FRMD4A: variants seen among roughly 807,000 people sequenced by gnomAD.
FRMD4A encodes the protein FERM domain-containing protein 4A.
FRMD4A carries 29 observed loss-of-function variants against 129.1 expected under a neutral mutation model. That is an observed-to-expected ratio of 0.22 (90% CI 0.17 to 0.31). The LOEUF (loss-of-function observed/expected upper bound fraction) is 0.31. FRMD4A is among the 10% of genes least tolerant of loss of function. The pLI is 1.00. For synonymous variants in FRMD4A, 634 were observed against 571.6 expected (o/e 1.11, Z -1.56); for missense variants, 1,272 against 1,375.8 (o/e 0.92, Z 1.19).
chr10:13,955,131 G>A (rs182474864), intron 2 of FRMD4A, among the ~76,000 whole-genome samples: 24 of 9,324 alleles, frequency 2.6e-3, no homozygotes, highest in East Asian at 0.17. Flanking sequence ...TTTTTGAGAC[G>A]GAGTATCACT....
intron 2 of FRMD4A, among the ~76,000 whole-genome samples, chr10:14,022,901 T>C (rs1832824392): frequency 6.6e-6 from 1 of 152,152 alleles, no homozygotes; most frequent in Non-Finnish European, 1.5e-5. Flanking sequence ...TTAATGACTT[T>C]GTGGTATTGA....
intron 2 of FRMD4A, among the ~76,000 whole-genome samples, chr10:13,935,990 G>A (rs1388080494): frequency 6.6e-6 from 1 of 152,190 alleles, no homozygotes; most frequent in African/African-American, 2.4e-5. Flanking sequence ...ATAACTAAAG[G>A]GAAATGTGTT....
At chr10:14,257,679 C>T (rs1004738094) in intron 2 of FRMD4A, among the ~76,000 whole-genome samples, 1 of 152,146 alleles carries the variant, frequency 6.6e-6, no homozygotes, top group African/African-American at 2.4e-5. Flanking sequence ...GAAACATACA[C>T]AGAGGAAAGG....
At chr10:14,047,372 G>A (rs902137559) in intron 2 of FRMD4A, among the ~76,000 whole-genome samples, 2 of 152,112 alleles carry the variant, frequency 1.3e-5, no homozygotes, top group African/African-American at 2.4e-5. Flanking sequence ...TATGGTCTGG[G>A]TATGAAAGGA....
intron 2 of FRMD4A, among the ~76,000 whole-genome samples, chr10:14,043,831 CT>C (rs201591590): frequency 2.0e-5 from 3 of 151,018 alleles, no homozygotes; most frequent in Admixed American, 6.6e-5. Flanking sequence ...TCTGGGTCAT[CT>C]TTTTTTTTTC....
intron 2 of FRMD4A, among the ~76,000 whole-genome samples, chr10:14,030,117 G>A (rs1319328783): frequency 6.6e-6 from 1 of 152,244 alleles, no homozygotes; most frequent in Non-Finnish European, 1.5e-5. Context: ...GAAATGGGGA[G>A]ATGTTGGTCA....
chr10:13,853,787 G>A (rs1159536219), intron 3 of FRMD4A, among the ~76,000 whole-genome samples: 3 of 135,506 alleles, frequency 2.2e-5, no homozygotes, highest in Non-Finnish European at 4.6e-5. Context: ...AGCCAAGATT[G>A]CACCACTGCA....
intron 2 of FRMD4A, among the ~76,000 whole-genome samples, chr10:13,927,616 G>A (rs887164271): frequency 3.9e-5 from 6 of 152,196 alleles, no homozygotes; most frequent in Non-Finnish European, 7.3e-5. Flanking sequence ...CGATCAGAAC[G>A]AGAGTCTAGT....
intron 2 of FRMD4A, among the ~76,000 whole-genome samples, chr10:14,257,743 C>A (rs1745316924): frequency 1.3e-5 from 2 of 152,204 alleles, no homozygotes; most frequent in Admixed American, 1.3e-4. Flanking sequence ...CAAGCCAAAG[C>A]ACTGCTTAGG....
intron 2 of FRMD4A, among the ~76,000 whole-genome samples, chr10:13,909,849 T>C (rs560804301): frequency 7.9e-5 from 12 of 152,322 alleles, no homozygotes; most frequent in African/African-American, 2.9e-4. Flanking sequence ...GCCAGAAACA[T>C]GCAACTCATG....
chr10:13,891,871 C>T, intron 2 of FRMD4A: 2 of 395,760 alleles, frequency 5.1e-6, no homozygotes, highest in Non-Finnish European at 6.8e-6. Context: ...CCGCCGCCGG[C>T]CCGCCCCTCG....
At position 13,714,059 on chromosome 10, in the gene FRMD4A, T is replaced by TATATAA. The variant is rs1207471495; in HGVS notation, c.760-6947_760-6946insTTATAT. 7.4e-4 allele frequency among the ~76,000 whole-genome samples: 75 copies of TATATAA among 101,302 alleles called. 8 individuals carry two copies. In the East Asian group the frequency reaches 0.02, roughly 26 times the overall value. 66.5% of individuals were successfully genotyped at this position (101,302 alleles called of 152,430 possible). A position where few individuals can be genotyped will look rare whatever the true frequency, so the allele number is the denominator to read the frequency against. ...ATATATATATATATATATATATATA[T>TATATAA]AAAATATACTTTTTTTTTGAGACAC... On this transcript the variant is annotated intron_variant, in intron 12 of 24. Coordinates refer to ENST00000357447, the MANE Select transcript of FRMD4A (RefSeq NM_018027.5).
At chr10:13,673,018 AT>A (rs1166715098) in intron 16 of FRMD4A, among the ~76,000 whole-genome samples, 1 of 151,990 alleles carries the variant, frequency 6.6e-6, no homozygotes, top group Non-Finnish European at 1.5e-5. Flanking sequence ...CGATGGTGAG[AT>A]TTTTTTATAA....
chr10:13,979,057 C>T (rs1342021271), intron 2 of FRMD4A, among the ~76,000 whole-genome samples: 3 of 152,166 alleles, frequency 2.0e-5, no homozygotes, highest in Non-Finnish European at 2.9e-5. Flanking sequence ...CAGTCCAGGC[C>T]ATGAGTTGGA....
intron 2 of FRMD4A, among the ~76,000 whole-genome samples, chr10:13,891,174 G>A (rs777959632): frequency 1.3e-5 from 2 of 152,128 alleles, no homozygotes; most frequent in African/African-American, 4.8e-5. Flanking sequence ...CATTTGGAAC[G>A]TAAAAAGCAG....
At chr10:13,913,826 G>T (rs1366236984) in intron 2 of FRMD4A, among the ~76,000 whole-genome samples, 1 of 152,198 alleles carries the variant, frequency 6.6e-6, no homozygotes, top group African/African-American at 2.4e-5. Flanking sequence ...TGCTGAAGTT[G>T]GCATTCTGGT....
intron 2 of FRMD4A, among the ~76,000 whole-genome samples, chr10:14,158,790 A>G (rs1163601284): frequency 6.7e-6 from 1 of 150,190 alleles, no homozygotes; most frequent in Non-Finnish European, 1.5e-5. Flanking sequence ...GAGGAGCAGG[A>G]GGAAGAAGAG....
chr10:14,244,387 G>C (rs1446151779), intron 2 of FRMD4A, among the ~76,000 whole-genome samples: 1 of 152,182 alleles, frequency 6.6e-6, no homozygotes, highest in African/African-American at 2.4e-5. Context: ...AGCAACAAGT[G>C]TCAGTTCCAA....
chr10:13,878,822 G>GGGAGGGAAGGAA (rs1554953625), intron 2 of FRMD4A, among the ~76,000 whole-genome samples: 5 of 140,774 alleles, frequency 3.6e-5, no homozygotes, highest in East Asian at 2.1e-4. Context: ...GAGGGAGGGA[G>GGGAGGGAAGGAA]GGAAGGAAGG....
Sources: gnomAD v4.1 joint callset for allele counts (sites outside exome capture counted in the v4.1 genomes callset) on GRCh38, gnomAD v4.1.1 for gene constraint, MANE v1.5 for transcripts, NCBI Gene and HGNC (gene_info 2026-07-23, HGNC 2026-07-21) for gene names.